BICD2: variants seen among roughly 807,000 people sequenced by gnomAD.
BICD2 encodes BICD cargo adaptor 2.
A neutral mutation model predicts 72.9 loss-of-function variants in BICD2; 25 were observed. The ratio of observed to expected loss-of-function variants is 0.34; its 90% CI spans 0.25 to 0.48. BICD2 has a LOEUF of 0.48. Ranked by LOEUF, BICD2 falls within the 20% of genes least tolerant of loss-of-function variation. The probability of loss-of-function intolerance (pLI) is 0.99; values close to 1 mark genes in which losing one functional copy is unlikely to be tolerated. For synonymous variants in BICD2, 501 were observed against 516.1 expected, an observed-to-expected ratio of 0.97 and a Z score of 0.40; for missense variants, 894 against 1,175.2, an observed-to-expected ratio of 0.76 and a Z score of 3.50.
intron 1 of BICD2, among the ~76,000 whole-genome samples, chr9:92,740,211 G>C (rs937155385): frequency 6.6e-6 from 1 of 152,122 alleles, no homozygotes; most frequent in East Asian, 1.9e-4. Context: ...ATAAGGAAAT[G>C]ATATCACAAG....
chr9:92,736,676 G>A (rs536794755), intron 1 of BICD2, among the ~76,000 whole-genome samples: 3 of 152,156 alleles, frequency 2.0e-5, no homozygotes, highest in South Asian at 2.1e-4. Flanking sequence ...TCTTTCTTGC[G>A]TGAGATTCAA....
intron 1 of BICD2, among the ~76,000 whole-genome samples, chr9:92,762,450 C>G (rs541164775): frequency 1.1e-3 from 162 of 152,192 alleles, no homozygotes; most frequent in African/African-American, 3.6e-3. Context: ...TCTTATCCCA[C>G]CTTACAAAGG....
intron 1 of BICD2, among the ~76,000 whole-genome samples, chr9:92,756,435 G>A (rs1296207863): frequency 6.6e-6 from 1 of 151,756 alleles, no homozygotes; most frequent in Non-Finnish European, 1.5e-5. Context: ...CTAATTTTTT[G>A]TATTTTTAGT....
intron 1 of BICD2, among the ~76,000 whole-genome samples, chr9:92,752,316 G>C (rs2131531490): frequency 6.8e-6 from 1 of 147,096 alleles, no homozygotes; most frequent in South Asian, 2.3e-4. Context: ...TGTAGTGCCA[G>C]AAAGGAAGGA....
chr9:92,754,306 G>A (rs1854211973), intron 1 of BICD2, among the ~76,000 whole-genome samples: 1 of 152,216 alleles, frequency 6.6e-6, no homozygotes, highest in African/African-American at 2.4e-5. Flanking sequence ...AGCTGTAGGT[G>A]CGTGTATCCT....
rs1318726681 is a variant in BICD2 at position 92,715,101 on chromosome 9, G to A, written c.*53C>T. On this transcript the variant is annotated 3_prime_UTR_variant, in exon 7 of 7. Transcript: ENST00000356884. The stretch of plus-strand genomic sequence containing the variant: ...TAGCACCGCCGTCCCGCTGCTGCTG[G>A]GTTAGTTGAGGTGAAGCAGATGTTA... 10 of 1,528,686 alleles carry A rather than the reference G, an allele frequency of 6.5e-6. No individual in the cohort carries two copies. Among genetic ancestry groups the A allele is most frequent in the Non-Finnish European group, 8.8e-6 (10 of 1,134,928 alleles). The allele number at this position is 1,528,686 out of a possible 1,614,324, so 94.7% of individuals were successfully genotyped here.
chr9:92,751,074 C>T (rs1253446589), intron 1 of BICD2, among the ~76,000 whole-genome samples: 2 of 151,844 alleles, frequency 1.3e-5, no homozygotes, highest in African/African-American at 4.8e-5. Context: ...CCAAGCCTGG[C>T]TAATTTTTGT....
At position 92,753,927 on chromosome 9, in the gene BICD2, G is replaced by A. The variant is rs1397090363; in HGVS notation, c.240+10578C>T. Among the ~76,000 whole-genome samples, 8 of 151,578 alleles carry A rather than the reference G, an allele frequency of 5.3e-5. No individual in the cohort carries two copies. The East Asian group carries it at 1.2e-3, about 22-fold the overall frequency. Reference sequence around the variant, plus strand: ...TGGGAGGCTGAGACAGGCGGATCACGAGGTCAGGAGATCAAGACCATCCCA... The same window carrying A: ...TGGGAGGCTGAGACAGGCGGATCACAAGGTCAGGAGATCAAGACCATCCCA... On this transcript the variant is annotated intron_variant, in intron 1 of 6. Transcript: ENST00000356884.
chr9:92,722,227 T>C (rs1010433585), intron 3 of BICD2, among the ~76,000 whole-genome samples: 5 of 152,048 alleles, frequency 3.3e-5, no homozygotes, highest in African/African-American at 1.2e-4. Context: ...GAGACCCCAT[T>C]AGAGACAGAG....
Position 92,764,365 on chromosome 9 carries a change from G to T in BICD2, c.240+140C>A, listed in dbSNP as rs940765408. The stretch of plus-strand genomic sequence containing the variant: ...AAGGCCGGGCCCACTCCCACATACT[G>T]CCCGTGCCCCCTCCGCCCCGGCGGC... On this transcript the variant is annotated intron_variant, in intron 1 of 6. Coordinates refer to ENST00000356884, the MANE Select transcript of BICD2 (RefSeq NM_001003800.2). This position sits in a 1 kb window ranked among gnomAD's most constrained non-coding sequence, Gnocchi z 5.5. 9 of 1,215,934 alleles carry T rather than the reference G, an allele frequency of 7.4e-6. No individual in the cohort carries two copies. The African/African-American group carries it at 9.7e-5, about 13-fold the overall frequency. The allele number at this position is 1,215,934 out of a possible 1,614,324, so 75.3% of individuals were successfully genotyped here. A position where few individuals can be genotyped will look rare whatever the true frequency, so the allele number is the denominator to read the frequency against.
Position 92,715,271 on chromosome 9 carries a change from G to C in BICD2, c.2451C>G (p.Thr817=). The C allele has an allele frequency of 6.2e-7, 1 of 1,612,816 alleles. No individual in the cohort carries two copies. The highest frequency in any genetic ancestry group is 8.5e-7 in the Non-Finnish European group (1 of 1,179,842). ...RRGRAKAAPK[T]KPATPSVSHT... The stretch of plus-strand genomic sequence containing the variant: ...GACTTACGCTCGGTGTGGCTGGCTT[G>C]GTCTTCGGGGCGGCTTTGGCACGGC... Residue 817 remains threonine, a synonymous_variant, in exon 7 of 7, where the codon ACC becomes ACG. Transcript: ENST00000356884.
chr9:92,748,059 G>A (rs1324062307), intron 1 of BICD2, among the ~76,000 whole-genome samples: 2 of 152,174 alleles, frequency 1.3e-5, no homozygotes, highest in Non-Finnish European at 2.9e-5. Context: ...AGGACTGCAG[G>A]GAACTCCAGG....
At chr9:92,752,848 C>T (rs1381988438) in intron 1 of BICD2, among the ~76,000 whole-genome samples, 1 of 152,080 alleles carries the variant, frequency 6.6e-6, no homozygotes, top group Non-Finnish European at 1.5e-5. Flanking sequence ...GCAGAAAAAT[C>T]GCAAATAATT....
intron 2 of BICD2, among the ~76,000 whole-genome samples, chr9:92,723,912 C>T (rs548232565): frequency 2.0e-5 from 3 of 152,280 alleles, no homozygotes; most frequent in South Asian, 2.1e-4. Flanking sequence ...TGGTGGGAGC[C>T]GGCCTGTACA....
rs529204653 is a variant in BICD2 at position 92,714,885 on chromosome 9, G to C, written c.*269C>G. ...AAGATGCTTTCATCACACATCTGCT[G>C]CAAGAATGTGCAGCTCTATCCCCAC... On this transcript the variant is annotated 3_prime_UTR_variant, in exon 7 of 7. Transcript: ENST00000356884. The C allele has an allele frequency of 1.6e-6, 2 of 1,256,090 alleles. No individual in the cohort carries two copies. Among genetic ancestry groups the C allele is most frequent in the Non-Finnish European group, 2.0e-6 (2 of 998,778 alleles). 77.8% of individuals were successfully genotyped at this position (1,256,090 alleles called of 1,614,324 possible). A position where few individuals can be genotyped will look rare whatever the true frequency, so the allele number is the denominator to read the frequency against.
At chr9:92,743,917 T>C (rs1198602920) in intron 1 of BICD2, among the ~76,000 whole-genome samples, 1 of 152,190 alleles carries the variant, frequency 6.6e-6, no homozygotes, top group Non-Finnish European at 1.5e-5. Flanking sequence ...GGAATGCAAC[T>C]TACACCAGAA....
At chr9:92,737,672 C>T (rs972092237) in intron 1 of BICD2, among the ~76,000 whole-genome samples, 1 of 152,160 alleles carries the variant, frequency 6.6e-6, no homozygotes, top group African/African-American at 2.4e-5. Context: ...TCTTTCCTGA[C>T]GCCAGTACCA....
At chr9:92,739,430 T>C (rs1177570137) in intron 1 of BICD2, among the ~76,000 whole-genome samples, 4 of 152,162 alleles carry the variant, frequency 2.6e-5, no homozygotes, top group Non-Finnish European at 4.4e-5. Flanking sequence ...ACTCACTTGA[T>C]TACGGATTGT....
chr9:92,714,043 A>C lies in BICD2; in HGVS notation c.*1111T>G, dbSNP rs1014443352. 3.5e-5 allele frequency: 35 copies of C among 985,964 alleles called. No individual in the cohort carries two copies. The highest frequency in any genetic ancestry group is 3.9e-5 in the Non-Finnish European group (32 of 830,394). 61.1% of individuals were successfully genotyped at this position (985,964 alleles called of 1,614,324 possible). On this transcript the variant is annotated 3_prime_UTR_variant, in exon 7 of 7. Transcript: ENST00000356884. ...AGGCAGGTGTGGATGGAGCCTCTGG[A>C]AATGGGAGAACCCTACAGCTACCTT... is the stretch of plus-strand genomic sequence containing the variant.
Sources: gnomAD v4.1 joint callset for allele counts (sites outside exome capture counted in the v4.1 genomes callset) on GRCh38, gnomAD v4.1.1 for gene constraint, Gnocchi (gnomAD v3.1) non-coding constraint, MANE v1.5 for transcripts, NCBI Gene and HGNC (gene_info 2026-07-23, HGNC 2026-07-21) for gene names.